NR3C1: variants seen among roughly 807,000 people sequenced by gnomAD.
The protein encoded by NR3C1 is nuclear receptor subfamily 3 group C member 1.
A neutral mutation model predicts 74.0 loss-of-function variants in NR3C1; 14 were observed. The ratio of observed to expected loss-of-function variants is 0.19; its 90% CI spans 0.12 to 0.30. The LOEUF is 0.30. NR3C1 is among the 10% of genes least tolerant of loss of function. The pLI is 1.00. For missense variants in NR3C1, 695 were observed against 909.8 expected (o/e 0.76, Z 3.04); for synonymous variants, 308 against 332.5 (o/e 0.93, Z 0.80).
At chr5:143,288,136 G>GGAGAC (rs1814946875) in intron 7 of NR3C1, among the ~76,000 whole-genome samples, 1 of 96,620 alleles carries the variant, frequency 1.0e-5, no homozygotes. Flanking sequence ...TTTTTTTTTT[G>GGAGAC]GAGACGGAGC....
intron 1 of NR3C1, among the ~76,000 whole-genome samples, chr5:143,419,741 G>A (rs532734455): frequency 4.6e-5 from 7 of 152,162 alleles, no homozygotes; most frequent in Admixed American, 4.6e-4. Flanking sequence ...GGACGGGGGC[G>A]AAATTAAAAT....
chr5:143,283,778 G>C (rs139051685), intron 7 of NR3C1, among the ~76,000 whole-genome samples: 1 of 152,278 alleles, frequency 6.6e-6, no homozygotes, highest in Non-Finnish European at 1.5e-5. Context: ...TAATCCTGTG[G>C]AGATTAGGAC....
rs183572931 is a variant in NR3C1, at chr5:143,304,557, A to C, written c.1469-3794T>G. ...ATTTTTCACAGAATTAGCAAAAAGCATTCTAAAATTCCTATGGAACCAAAA... is the reference window on the plus strand; with the variant it reads ...ATTTTTCACAGAATTAGCAAAAAGCCTTCTAAAATTCCTATGGAACCAAAA... On this transcript the variant is annotated intron_variant, in intron 4 of 8. Coordinates refer to ENST00000394464, the MANE Select transcript of NR3C1 (RefSeq NM_000176.3). Among the ~76,000 whole-genome samples the C allele has an allele frequency of 1.9e-3, 288 of 152,302 alleles. 1 individual carries two copies. The highest frequency in any genetic ancestry group is 6.8e-3 in the Middle Eastern group (2 of 294).
intron 1 of NR3C1, chr5:143,402,673 C>G: frequency 1.0e-6 from 1 of 985,470 alleles, no homozygotes; most frequent in Non-Finnish European, 1.2e-6. Flanking sequence ...CTCCAAGTTG[C>G]GGGCTGTCAG....
chr5:143,342,259 C>T (rs1828381642), intron 2 of NR3C1, among the ~76,000 whole-genome samples: 1 of 152,176 alleles, frequency 6.6e-6, no homozygotes, highest in Non-Finnish European at 1.5e-5. Context: ...TAGTACGTGG[C>T]AGGCACTATG....
intron 1 of NR3C1, among the ~76,000 whole-genome samples, chr5:143,409,408 A>G (rs543890931): frequency 1.6e-4 from 24 of 152,124 alleles, no homozygotes; most frequent in Admixed American, 1.4e-3. Context: ...GTACTCTCTC[A>G]CTTTAAATGT....
At position 143,281,682 on chromosome 5, in the gene NR3C1, C is replaced by CATCA. The variant is rs1283499489; in HGVS notation, c.*203_*206dup. The CATCA allele has an allele frequency of 7.3e-6, 4 of 551,434 alleles. No homozygotes were observed. The highest frequency in any genetic ancestry group is 1.3e-5 in the Non-Finnish European group (4 of 309,186). 34.2% of individuals were successfully genotyped at this position (551,434 alleles called of 1,614,324 possible). ...TAATAAATTTCACCATCTACTCTCC[C>CATCA]ATCACTGAAAAGTGATGACGACTCA... is the stretch of plus-strand genomic sequence containing the variant. On this transcript the variant is annotated 3_prime_UTR_variant, in exon 9 of 9. Coordinates refer to ENST00000394464, the MANE Select transcript of NR3C1 (RefSeq NM_000176.3).
At chr5:143,293,986 G>A in intron 7 of NR3C1, 14 of 984,792 alleles carry the variant, frequency 1.4e-5, no homozygotes, top group Non-Finnish European at 1.7e-5. Flanking sequence ...TCTTTAACAA[G>A]TGTACCGCTA....
chr5:143,379,033 T>C (rs891777684), intron 2 of NR3C1, among the ~76,000 whole-genome samples: 1 of 152,170 alleles, frequency 6.6e-6, no homozygotes, highest in African/African-American at 2.4e-5. Flanking sequence ...CTTTTGGATT[T>C]GTATCTCTTA....
At chr5:143,334,333 G>A (rs1826650911) in intron 2 of NR3C1, among the ~76,000 whole-genome samples, 1 of 152,110 alleles carries the variant, frequency 6.6e-6, no homozygotes, top group Non-Finnish European at 1.5e-5. Context: ...AGTGAGCTGA[G>A]ATCACGCCAT....
At chr5:143,320,248 T>C (rs1317456354) in intron 2 of NR3C1, among the ~76,000 whole-genome samples, 4 of 152,208 alleles carry the variant, frequency 2.6e-5, no homozygotes. Context: ...TTCTGTTAAA[T>C]GGTTTTAGCA....
At chr5:143,366,229 T>C (rs1833146395) in intron 2 of NR3C1, among the ~76,000 whole-genome samples, 1 of 151,524 alleles carries the variant, frequency 6.6e-6, no homozygotes. Context: ...CAAAGCTGGG[T>C]TGGGCACGGT....
chr5:143,359,796 T>C (rs1328779309), intron 2 of NR3C1, among the ~76,000 whole-genome samples: 1 of 152,086 alleles, frequency 6.6e-6, no homozygotes, highest in Admixed American at 6.6e-5. Context: ...CAGGCACCTG[T>C]AATCCCAGCT....
In NR3C1 at chr5:143,372,437, A is replaced by G. The variant is rs546112528; in HGVS notation, c.1184+27219T>C. ...AGCACCTACAGCATGGAGATGCTGA[A>G]CAAAGGAATGATTCACATCCCAGGT... On this transcript the variant is annotated intron_variant, in intron 2 of 8. Transcript: ENST00000394464. Among the ~76,000 whole-genome samples, 5 of 152,342 alleles carry G rather than the reference A, an allele frequency of 3.3e-5. No homozygotes were observed. The South Asian group carries it at 1.0e-3, about 32-fold the overall frequency.
At chr5:143,429,335 C>T (rs1751694813) in intron 1 of NR3C1, among the ~76,000 whole-genome samples, 1 of 152,152 alleles carries the variant, frequency 6.6e-6, no homozygotes, top group African/African-American at 2.4e-5. Flanking sequence ...ATTTTAACTA[C>T]AAAATCTCAC....
chr5:143,357,062 A>T (rs537035243), intron 2 of NR3C1, among the ~76,000 whole-genome samples: 1 of 152,374 alleles, frequency 6.6e-6, no homozygotes, highest in South Asian at 2.1e-4. Context: ...ATGCTGAGGC[A>T]GCAGTGGTAC....
chr5:143,333,562 G>C (rs1157633568), intron 2 of NR3C1, among the ~76,000 whole-genome samples: 1 of 152,086 alleles, frequency 6.6e-6, no homozygotes, highest in Non-Finnish European at 1.5e-5. Context: ...GAGGTCAGGA[G>C]ATTGAGACCA....
intron 2 of NR3C1, among the ~76,000 whole-genome samples, chr5:143,378,003 A>G (rs1328170713): frequency 6.6e-6 from 1 of 152,178 alleles, no homozygotes; most frequent in African/African-American, 2.4e-5. Flanking sequence ...TAATCCCAGC[A>G]TTTTGGAAGG....
chr5:143,325,599 A>G (rs1824410330), intron 2 of NR3C1, among the ~76,000 whole-genome samples: 1 of 152,210 alleles, frequency 6.6e-6, no homozygotes, highest in African/African-American at 2.4e-5. Flanking sequence ...ATGCTGGAAT[A>G]TTGTTACAAT....
Sources: gnomAD v4.1 joint callset for allele counts (sites outside exome capture counted in the v4.1 genomes callset) on GRCh38, gnomAD v4.1.1 for gene constraint, MANE v1.5 for transcripts, NCBI Gene and HGNC (gene_info 2026-07-23, HGNC 2026-07-21) for gene names.